Variants in PCNT observed in about 807,000 individuals in gnomAD.
The protein encoded by PCNT is kendrin.
PCNT carries 319 observed loss-of-function variants against 380.4 expected under a neutral mutation model. The observed-to-expected ratio is 0.84, with a 90% CI of 0.77 to 0.92. The LOEUF (loss-of-function observed/expected upper bound fraction) is 0.92, where lower values mean the gene tolerates loss of function less well. Among genes scored for constraint, PCNT ranks in the 40% least tolerant of loss-of-function variants. PCNT has a pLI of 0.00. For missense variants in PCNT, 4,400 were observed against 4,255.3 expected, an observed-to-expected ratio of 1.03 and a Z score of -0.95; for synonymous variants, 1,845 against 1,735.2, an observed-to-expected ratio of 1.06 and a Z score of -1.57.
chr21:46,406,598 T>G (rs2086629206), intron 27 of PCNT, among the ~76,000 whole-genome samples: 1 of 152,214 alleles, frequency 6.6e-6, no homozygotes, highest in African/African-American at 2.4e-5. Flanking sequence ...TGTTATTTCC[T>G]TCTTTTATTA....
intron 38 of PCNT, 115 bp from the exon 39 acceptor site, chr21:46,435,789 G>T: frequency 3.4e-6 from 4 of 1,168,304 alleles, no homozygotes; most frequent in South Asian, 2.5e-5. Flanking sequence ...TGATCTGCCC[G>T]CCTCGGCCTC....
rs557827921 is a variant in PCNT, at chr21:46,331,572, C to T, written c.268-2825C>T. ...GGCTCCGAGCACTTTGGGAGGCCAACGTGGGAGGATGGTTGAAACTCTGTC... is the reference window on the plus strand; with the variant it reads ...GGCTCCGAGCACTTTGGGAGGCCAATGTGGGAGGATGGTTGAAACTCTGTC... On this transcript the variant is annotated intron_variant, in intron 2 of 46. Transcript: ENST00000359568. Among the ~76,000 whole-genome samples the T allele has an allele frequency of 6.6e-5, 10 of 151,558 alleles. No individual in the cohort carries two copies. In the East Asian group the frequency reaches 1.6e-3, roughly 24 times the overall value.
intron 2 of PCNT, among the ~76,000 whole-genome samples, chr21:46,327,976 G>A (rs2083443383): frequency 6.6e-6 from 1 of 152,178 alleles, no homozygotes; most frequent in Non-Finnish European, 1.5e-5. Context: ...GCCTGGAGGC[G>A]GGCTGTCCTT....
intron 15 of PCNT, among the ~76,000 whole-genome samples, chr21:46,377,377 A>C (rs2085362826): frequency 6.6e-6 from 1 of 152,232 alleles, no homozygotes; most frequent in African/African-American, 2.4e-5. Context: ...GATACAAAAA[A>C]CTTACTTTAT....
intron 15 of PCNT, among the ~76,000 whole-genome samples, chr21:46,381,049 C>T (rs1019112388): frequency 4.6e-5 from 7 of 151,696 alleles, no homozygotes; most frequent in Non-Finnish European, 5.9e-5. Context: ...TGGTGGCAGG[C>T]GCCTATAATC....
chr21:46,441,575 C>T (rs1189514944), intron 43 of PCNT, among the ~76,000 whole-genome samples: 2 of 152,076 alleles, frequency 1.3e-5, no homozygotes, highest in African/African-American at 2.4e-5. Context: ...GGGGTGCAGG[C>T]GAGGCCTCCT....
At chr21:46,385,742 C>G in intron 16 of PCNT, 90 bp from the exon 17 acceptor site, 1 of 1,419,320 alleles carries the variant, frequency 7.0e-7, no homozygotes, top group Non-Finnish European at 1.0e-6. Flanking sequence ...CAGAGACTCT[C>G]AAATACTGAA....
intron 15 of PCNT, among the ~76,000 whole-genome samples, chr21:46,371,868 CACACACACAGCACAT>C (rs764323143): frequency 0.016 from 2,094 of 133,600 alleles, 19 homozygotes; most frequent in Middle Eastern, 0.027. Flanking sequence ...AGCATGTGTG[CACACACACAGCACAT>C]GCACACACAG....
chr21:46,324,388 G>A, intron 1 of PCNT, 106 bp downstream of exon 1: 2 of 1,009,706 alleles, frequency 2.0e-6, no homozygotes, highest in Non-Finnish European at 1.5e-6. Context: ...TCCGGCGGAA[G>A]CCGCCGCGGA....
intron 8 of PCNT, among the ~76,000 whole-genome samples, chr21:46,351,084 CTGTA>C (rs1010432174): frequency 1.3e-5 from 2 of 152,192 alleles, no homozygotes; most frequent in Non-Finnish European, 2.9e-5. Flanking sequence ...ATTCAGCAGT[CTGTA>C]TGTATGACCC....
intron 41 of PCNT, among the ~76,000 whole-genome samples, chr21:46,438,724 G>A (rs1469819347): frequency 7.0e-6 from 1 of 143,820 alleles, no homozygotes; most frequent in Non-Finnish European, 1.5e-5. Flanking sequence ...CCAGGCTAGA[G>A]TGCAGTGGTG....
chr21:46,409,751 G>A (rs547796293), intron 27 of PCNT, among the ~76,000 whole-genome samples: 17 of 152,086 alleles, frequency 1.1e-4, no homozygotes, highest in African/African-American at 3.9e-4. Context: ...AGGTGCCCAC[G>A]CCCGGCTAAT....
rs748263236 is a variant in PCNT, at chr21:46,427,749, G to T, written c.7448G>T (p.Gly2483Val). ...QPRLSGSDLG[G>V]HSSLLERLEK... is the part of the protein sequence containing the mutation. Reference sequence around the variant, plus strand: ...CGACTCAGTGGCTCAGATCTGGGGGGTCACAGCTCCCTGCTCGAAAGGCTG... The same window carrying T: ...CGACTCAGTGGCTCAGATCTGGGGGTTCACAGCTCCCTGCTCGAAAGGCTG... Residue 2483 changes from glycine (G) to valine (V), a missense_variant, in exon 34 of 47, where the codon GGT (glycine) becomes GTT (valine). Gly to Val is a moderately radical substitution (Grantham distance 109). Coordinates refer to ENST00000359568, the MANE Select transcript of PCNT (RefSeq NM_006031.6). The T allele has an allele frequency of 1.2e-6, 2 of 1,613,792 alleles. No homozygotes were observed. Among genetic ancestry groups the T allele is most frequent in the East Asian group, 2.2e-5 (1 of 44,884 alleles).
Position 46,363,811 on chromosome 21 carries a change from C to G in PCNT, c.2486C>G (p.Thr829Ser), listed in dbSNP as rs1351218690. 1 of 1,612,884 alleles carries G rather than the reference C, an allele frequency of 6.2e-7. No individual in the cohort carries two copies. Among genetic ancestry groups the G allele is most frequent in the African/African-American group, 1.3e-5 (1 of 74,900 alleles). Residue 829 changes from threonine to serine, a missense_variant, in exon 14 of 47, where the codon ACT becomes AGT. Transcript: ENST00000359568. The part of the protein sequence containing the change: ...GRLQQLEQDL[T>S]SDDALHCSQC... ...CTGCAGCAGCTGGAACAGGACCTCACTTCAGACGACGCCCTGCATTGCAGC... is the reference window on the plus strand; with the variant it reads ...CTGCAGCAGCTGGAACAGGACCTCAGTTCAGACGACGCCCTGCATTGCAGC...
chr21:46,373,594 A>T (rs1262121404), intron 15 of PCNT, among the ~76,000 whole-genome samples: 1 of 143,212 alleles, frequency 7.0e-6, no homozygotes, highest in Non-Finnish European at 1.5e-5. Context: ...ACCATGCCTA[A>T]TATTTGTATT....
Position 46,397,300 on chromosome 21 carries a change from C to G in PCNT, c.4252C>G (p.Gln1418Glu). 1 of 1,614,084 alleles carries G rather than the reference C, an allele frequency of 6.2e-7. No homozygotes were observed. The highest frequency in any genetic ancestry group is 2.2e-5 in the East Asian group (1 of 44,872). ...RKEVEDLTKEQSETRKQAEKD... is the reference protein window; with the variant it reads ...RKEVEDLTKEESETRKQAEKD... Reference sequence around the variant, plus strand: ...GGAAGTGGAGGATCTGACCAAAGAACAGTCGGAGACCAGGAAGCAGGCTGA... The same window carrying G: ...GGAAGTGGAGGATCTGACCAAAGAAGAGTCGGAGACCAGGAAGCAGGCTGA... Residue 1418 changes from glutamine to glutamate, a missense_variant, in exon 22 of 47, where the codon CAG (glutamine) becomes GAG (glutamate). Transcript: ENST00000359568.
chr21:46,436,815 C>T (rs1458813922), intron 39 of PCNT, among the ~76,000 whole-genome samples, 164 bp from the exon 40 acceptor site: 5 of 152,132 alleles, frequency 3.3e-5, no homozygotes, highest in Non-Finnish European at 5.9e-5. Flanking sequence ...AGGCCTGTTG[C>T]CCCCGTGGGC....
intron 10 of PCNT, 142 bp from the exon 11 acceptor site, chr21:46,353,845 C>A: frequency 1.4e-6 from 1 of 740,312 alleles, no homozygotes; most frequent in East Asian, 2.7e-5. Context: ...TGCCACGGCT[C>A]CCCGCACATG....
intron 15 of PCNT, among the ~76,000 whole-genome samples, chr21:46,371,054 A>G (rs1335220170): frequency 6.6e-6 from 1 of 151,838 alleles, no homozygotes; most frequent in Non-Finnish European, 1.5e-5. Context: ...ATATATGAAA[A>G]TAAAAATAAT....
Sources: gnomAD v4.1 joint callset for allele counts (sites outside exome capture counted in the v4.1 genomes callset) on GRCh38, gnomAD v4.1.1 for gene constraint, MANE v1.5 for transcripts, NCBI Gene and HGNC (gene_info 2026-07-23, HGNC 2026-07-21) for gene names.